The following DNER variants were observed in gnomAD, a reference collection of about 807,000 sequenced individuals.
DNER encodes the protein delta and Notch-like epidermal growth factor-related receptor.
In DNER, 33 loss-of-function variants were observed where a neutral mutation model predicts 78.2. That is an observed-to-expected ratio of 0.42 (90% CI 0.32 to 0.56). The LOEUF (loss-of-function observed/expected upper bound fraction) is 0.56, where lower values mean the gene tolerates loss of function less well. Among genes scored for constraint, DNER ranks in the 20% least tolerant of loss-of-function variants. DNER has a pLI of 0.11. For missense variants in DNER, 918 were observed against 975.3 expected, an observed-to-expected ratio of 0.94 and a Z score of 0.78; for synonymous variants, 417 against 384.8, an observed-to-expected ratio of 1.08 and a Z score of -0.98.
intron 1 of DNER, among the ~76,000 whole-genome samples, chr2:229,674,100 T>C (rs908005894): frequency 2.6e-5 from 4 of 152,242 alleles, no homozygotes; most frequent in African/African-American, 7.2e-5. Flanking sequence ...CCCTTGCTCC[T>C]TCAGGACTAT....
chr2:229,625,859 CAGA>C (rs1401895480), intron 1 of DNER, among the ~76,000 whole-genome samples: 2 of 151,576 alleles, frequency 1.3e-5, no homozygotes, highest in Admixed American at 6.6e-5. Context: ...ATGGAAAGGC[CAGA>C]AGGACTGTCT....
At position 229,418,175 on chromosome 2, in the gene DNER, G is replaced by A; in HGVS notation, c.1542C>T (p.Cys514=). 6.2e-7 allele frequency: 1 copy of A among 1,614,164 alleles called. No individual in the cohort carries two copies. The highest frequency in any genetic ancestry group is 8.5e-7 in the Non-Finnish European group (1 of 1,180,008). The change falls in exon 9 of 13, where the codon TGC becomes TGT. Residue 514 remains cysteine, a synonymous_variant. Coordinates refer to ENST00000341772, the MANE Select transcript of DNER (RefSeq NM_139072.4). ...GGTCCCTGCAGGTGGCTGCATTCAGGCATGGAGCGGAGAGGCACTCATTAT... is the reference window on the plus strand; with the variant it reads ...GGTCCCTGCAGGTGGCTGCATTCAGACATGGAGCGGAGAGGCACTCATTAT... ...EEYNECLSAP[C]LNAATCRDLV...
chr2:229,618,410 G>GT (rs984608704), intron 1 of DNER, among the ~76,000 whole-genome samples: 4 of 152,152 alleles, frequency 2.6e-5, no homozygotes, highest in Non-Finnish European at 4.4e-5. Flanking sequence ...CGCACTACAT[G>GT]TTTTTTTATT....
chr2:229,607,175 TA>T (rs1697956055), intron 1 of DNER, among the ~76,000 whole-genome samples: 1 of 152,234 alleles, frequency 6.6e-6, no homozygotes, highest in Non-Finnish European at 1.5e-5. Flanking sequence ...ATGCTTAAAG[TA>T]GATCTAAAAC....
chr2:229,365,661 C>T (rs1692329417), intron 12 of DNER, among the ~76,000 whole-genome samples: 1 of 152,064 alleles, frequency 6.6e-6, no homozygotes. Context: ...GTGTAGAACT[C>T]CTGACCTCAA....
rs1416210052 is a variant in DNER at position 229,512,956 on chromosome 2, C to T, written c.994-20G>A. ...AGTTGCCTAAAACACAAAAAAAGCA[C>T]AGTGTCTATTACCTGGCACCTCTCA... On this transcript the variant is annotated intron_variant, in intron 5 of 12. Coordinates refer to ENST00000341772, the MANE Select transcript of DNER (RefSeq NM_139072.4). 6.2e-7 allele frequency: 1 copy of T among 1,611,196 alleles called. No individual in the cohort carries two copies.
At chr2:229,623,664 A>C (rs1319968208) in intron 1 of DNER, among the ~76,000 whole-genome samples, 1 of 152,032 alleles carries the variant, frequency 6.6e-6, no homozygotes, top group Non-Finnish European at 1.5e-5. Flanking sequence ...CTACAGAAAG[A>C]CTCCATGGGC....
At chr2:229,667,407 T>C (rs13400648) in intron 1 of DNER, among the ~76,000 whole-genome samples, 31,447 of 152,044 alleles carry the variant, frequency 0.21, 5,638 homozygotes, top group African/African-American at 0.49. Flanking sequence ...CTGCAAAGAG[T>C]TTCTGACAAA....
At chr2:229,691,786 G>A (rs1699577627) in intron 1 of DNER, among the ~76,000 whole-genome samples, 1 of 151,972 alleles carries the variant, frequency 6.6e-6, no homozygotes, top group African/African-American at 2.4e-5. Flanking sequence ...AACTTCCAGT[G>A]GTGGACACAT....
At chr2:229,411,031 C>T (rs1328818316) in intron 9 of DNER, among the ~76,000 whole-genome samples, 1 of 152,150 alleles carries the variant, frequency 6.6e-6, no homozygotes, top group Non-Finnish European at 1.5e-5. Context: ...CCTCATTATT[C>T]CTGTGTGTGT....
chr2:229,555,504 T>G (rs1468764898), intron 4 of DNER, among the ~76,000 whole-genome samples: 1 of 152,174 alleles, frequency 6.6e-6, no homozygotes, highest in African/African-American at 2.4e-5. Flanking sequence ...TCTAGCCCAC[T>G]CTGAGCTCTA....
intron 6 of DNER, among the ~76,000 whole-genome samples, chr2:229,480,971 ATGGAC>A (rs1229071506): frequency 6.6e-6 from 1 of 152,212 alleles, no homozygotes; most frequent in Non-Finnish European, 1.5e-5. Flanking sequence ...ATGGAGGAGC[ATGGAC>A]TGGGGTGTAG....
At chr2:229,392,576 T>C (rs1275100868) in intron 10 of DNER, among the ~76,000 whole-genome samples, 2 of 152,158 alleles carry the variant, frequency 1.3e-5, no homozygotes. Context: ...AACTTGAAGC[T>C]TGGCAAACAA....
Position 229,366,956 on chromosome 2 carries a change from G to C in DNER, c.2019C>G (p.Ser673=), listed in dbSNP as rs1692362278. 1 of 1,614,022 alleles carries C rather than the reference G, an allele frequency of 6.2e-7. No homozygotes were observed. Among genetic ancestry groups the C allele is most frequent in the African/African-American group, 1.3e-5 (1 of 74,906 alleles). Residue 673 remains serine, a synonymous_variant, in exon 12 of 13, where the codon TCC becomes TCG. Transcript: ENST00000341772. ...RISRIEYQGS[S]RPAYEEFYNC... ...TGTAGAACTCCTCATAGGCTGGCCT[G>C]GAAGAACCCTGGTATTCAATGCGGC...
At chr2:229,657,697 A>G (rs1361541516) in intron 1 of DNER, among the ~76,000 whole-genome samples, 2 of 152,234 alleles carry the variant, frequency 1.3e-5, no homozygotes, top group Non-Finnish European at 2.9e-5. Flanking sequence ...TTTTGGAAAC[A>G]TGACCTCTTT....
At chr2:229,407,838 A>G (rs1455164048) in intron 9 of DNER, among the ~76,000 whole-genome samples, 2 of 152,202 alleles carry the variant, frequency 1.3e-5, no homozygotes, top group Non-Finnish European at 2.9e-5. Context: ...TCTCAAAGAC[A>G]TCACTGCATG....
chr2:229,401,308 G>A (rs1374326810), intron 10 of DNER, among the ~76,000 whole-genome samples: 3 of 151,974 alleles, frequency 2.0e-5, no homozygotes, highest in Non-Finnish European at 4.4e-5. Context: ...ATATGACCCA[G>A]CAATTGAATT....
intron 11 of DNER, among the ~76,000 whole-genome samples, chr2:229,381,565 G>A (rs1449180872): frequency 2.0e-5 from 3 of 152,084 alleles, no homozygotes; most frequent in Non-Finnish European, 2.9e-5. Context: ...GTCTGAAGTC[G>A]ACCTGGGACA....
chr2:229,516,785 TAAAAA>T (rs796603043), intron 5 of DNER, among the ~76,000 whole-genome samples: 18 of 83,878 alleles, frequency 2.1e-4, no homozygotes, highest in Admixed American at 5.7e-4. Flanking sequence ...ACGCTGTCTC[TAAAAA>T]AAAAAAAAAA....
Sources: allele counts gnomAD v4.1 joint callset (sites outside exome capture counted in the v4.1 genomes callset), GRCh38; gene constraint gnomAD v4.1.1; transcripts MANE v1.5; gene names NCBI Gene and HGNC (gene_info 2026-07-23, HGNC 2026-07-21).